Variants in METAP1 observed in about 807,000 individuals in gnomAD.
The protein encoded by METAP1 is methionyl aminopeptidase 1.
Under a neutral mutation model 53.8 loss-of-function variants are expected in METAP1, and 28 were observed. The ratio of observed to expected loss-of-function variants is 0.52; its 90% CI spans 0.39 to 0.71. The LOEUF (loss-of-function observed/expected upper bound fraction) is 0.71. Ranked by LOEUF, METAP1 falls within the 30% of genes least tolerant of loss-of-function variation. METAP1 has a pLI of 0.00. For missense variants in METAP1, 389 were observed against 479.8 expected, an observed-to-expected ratio of 0.81 and a Z score of 1.77; for synonymous variants, 181 against 165.7, an observed-to-expected ratio of 1.09 and a Z score of -0.71.
intron 4 of METAP1, among the ~76,000 whole-genome samples, chr4:99,037,039 A>G (rs1396806134): frequency 1.3e-5 from 2 of 151,962 alleles, no homozygotes; most frequent in East Asian, 1.9e-4. Flanking sequence ...TTATTTTGCT[A>G]TTATTTTAAT....
At chr4:99,047,646 A>G (rs1022537540) in intron 8 of METAP1, among the ~76,000 whole-genome samples, 1 of 152,216 alleles carries the variant, frequency 6.6e-6, no homozygotes, top group Non-Finnish European at 1.5e-5. Context: ...TGGGAAAGAT[A>G]CATTGTATCT....
At position 99,034,353 on chromosome 4, in the gene METAP1, A is replaced by G; in HGVS notation, c.279+11A>G. 7.1e-7 allele frequency: 1 copy of G among 1,407,508 alleles called. No homozygotes were observed. Among genetic ancestry groups the G allele is most frequent in the Non-Finnish European group, 9.8e-7 (1 of 1,018,076 alleles). The allele number at this position is 1,407,508 out of a possible 1,614,324, so 87.2% of individuals were successfully genotyped here. A position where few individuals can be genotyped will look rare whatever the true frequency, so the allele number is the denominator to read the frequency against. ...CCACATTATCCACTGGTGAGTAAAT[A>G]AGGTAATAAAAACAACATTCCAATT... On this transcript the variant is annotated intron_variant, in intron 3 of 10. Coordinates refer to ENST00000296411, the MANE Select transcript of METAP1 (RefSeq NM_015143.3).
chr4:99,036,087 C>A (rs1034298884), intron 4 of METAP1: 1 of 154,296 alleles, frequency 6.5e-6, no homozygotes, highest in Non-Finnish European at 1.5e-5. Flanking sequence ...ATTTGCAACA[C>A]AGGTCAGTGG....
chr4:98,996,348 G>T (rs1340379469), intron 1 of METAP1, among the ~76,000 whole-genome samples: 1 of 152,214 alleles, frequency 6.6e-6, no homozygotes, highest in Non-Finnish European at 1.5e-5. Flanking sequence ...GGGGTGGGGG[G>T]CTGAAGCTAC....
chr4:99,035,520 A>G, intron 4 of METAP1, 60 bp downstream of exon 4: 1 of 1,253,898 alleles, frequency 8.0e-7, no homozygotes, highest in Non-Finnish European at 1.1e-6. Flanking sequence ...ACTACTGCAA[A>G]GGGAAGGAAT....
intron 1 of METAP1, chr4:99,022,582 A>G (rs1724205275): frequency 3.1e-6 from 2 of 652,188 alleles, no homozygotes; most frequent in African/African-American, 1.8e-5. Context: ...AAGATAGAAG[A>G]TGGTCTCACA....
At chr4:99,009,031 C>CT (rs1230253085) in intron 1 of METAP1, among the ~76,000 whole-genome samples, 1 of 152,212 alleles carries the variant, frequency 6.6e-6, no homozygotes, top group Non-Finnish European at 1.5e-5. Flanking sequence ...AACAGCAACT[C>CT]TCCTTTGTCC....
intron 1 of METAP1, among the ~76,000 whole-genome samples, chr4:98,999,355 T>A (rs1722808347): frequency 6.6e-6 from 1 of 151,950 alleles, no homozygotes; most frequent in African/African-American, 2.4e-5. Context: ...AAAATGGGGC[T>A]ATTAATAATA....
intron 10 of METAP1, among the ~76,000 whole-genome samples, chr4:99,060,867 TGTG>T (rs77059718): frequency 0.024 from 3,730 of 152,286 alleles, 53 homozygotes; most frequent in Non-Finnish European, 0.035. Flanking sequence ...TACTCAAAGT[TGTG>T]GTGATTGGTA....
chr4:99,001,362 A>G (rs922079444), intron 1 of METAP1, among the ~76,000 whole-genome samples: 2 of 152,248 alleles, frequency 1.3e-5, no homozygotes, highest in Admixed American at 6.5e-5. Flanking sequence ...AAATAATTTC[A>G]TAAATTGTTT....
intron 7 of METAP1, 41 bp downstream of exon 7, chr4:99,043,428 A>AC: frequency 6.5e-7 from 1 of 1,547,842 alleles, no homozygotes; most frequent in Non-Finnish European, 8.7e-7. Flanking sequence ...GGGCAAAGAA[A>AC]CAACAAAGCT....
In METAP1 at chr4:98,995,985, C is replaced by G. The variant is rs1327163170; in HGVS notation, c.114+118C>G. ...GACGCGCTCCTCCTCTTCCCCCCGG[C>G]CGCGTTTCCTCCTCCCCCCACCCGC... is the stretch of plus-strand genomic sequence containing the variant. On this transcript the variant is annotated intron_variant, in intron 1 of 10. Coordinates refer to ENST00000296411, the MANE Select transcript of METAP1 (RefSeq NM_015143.3). 5 of 813,516 alleles carry G rather than the reference C, an allele frequency of 6.1e-6. No individual in the cohort carries two copies. In the Admixed American group the frequency reaches 9.1e-5, roughly 15 times the overall value. The allele number at this position is 813,516 out of a possible 1,614,324, so 50.4% of individuals were successfully genotyped here.
intron 9 of METAP1, among the ~76,000 whole-genome samples, chr4:99,056,860 C>T (rs1417543970): frequency 2.0e-5 from 3 of 150,856 alleles, no homozygotes; most frequent in African/African-American, 4.9e-5. Context: ...TGAGCCACTG[C>T]GCCCGGCCTT....
chr4:98,996,147 G>C (rs1302353253), intron 1 of METAP1, among the ~76,000 whole-genome samples: 2 of 152,108 alleles, frequency 1.3e-5, no homozygotes, highest in Admixed American at 1.3e-4. Flanking sequence ...TCGCGTGGCC[G>C]CGCTAGACCT....
chr4:99,036,597 T>G (rs1194022607), intron 4 of METAP1, among the ~76,000 whole-genome samples: 1 of 152,032 alleles, frequency 6.6e-6, no homozygotes, highest in African/African-American at 2.4e-5. Flanking sequence ...AAAAACTATA[T>G]TTACCTTTTC....
Position 99,012,668 on chromosome 4 carries a change from T to A in METAP1, c.115-16199T>A, listed in dbSNP as rs796472479. On this transcript the variant is annotated intron_variant, in intron 1 of 10. Coordinates refer to ENST00000296411, the MANE Select transcript of METAP1 (RefSeq NM_015143.3). ...TCCCATAAAGTTTTTTTTTTTTTTTTTTTTTTTTTTAAAGATTTAAAGAGG... is the reference window on the plus strand; with the variant it reads ...TCCCATAAAGTTTTTTTTTTTTTTTATTTTTTTTTTAAAGATTTAAAGAGG... Among the ~76,000 whole-genome samples the A allele has an allele frequency of 1.7e-4, 26 of 150,400 alleles. 1 individual carries two copies. Among genetic ancestry groups the A allele is most frequent in the African/African-American group, 5.8e-4 (24 of 41,292 alleles).
intron 1 of METAP1, among the ~76,000 whole-genome samples, chr4:99,025,018 T>C (rs985709467): frequency 1.3e-5 from 2 of 152,190 alleles, no homozygotes; most frequent in East Asian, 1.9e-4. Context: ...GTTTGTGCGC[T>C]CCTATGAGAA....
At chr4:99,046,764 T>G (rs1726273459) in intron 8 of METAP1, among the ~76,000 whole-genome samples, 1 of 152,116 alleles carries the variant, frequency 6.6e-6, no homozygotes, top group Non-Finnish European at 1.5e-5. Flanking sequence ...GAAAACTTAT[T>G]ACTCATTGTT....
intron 1 of METAP1, among the ~76,000 whole-genome samples, chr4:99,004,482 C>A (rs1016345647): frequency 1.8e-4 from 3 of 16,970 alleles, no homozygotes; most frequent in South Asian, 4.5e-3. Context: ...CACACACACA[C>A]ATACACACAC....
Sources: gnomAD v4.1 joint callset for allele counts (sites outside exome capture counted in the v4.1 genomes callset) on GRCh38, gnomAD v4.1.1 for gene constraint, MANE v1.5 for transcripts, NCBI Gene and HGNC (gene_info 2026-07-23, HGNC 2026-07-21) for gene names.